NLGN1: variants seen among roughly 807,000 people sequenced by gnomAD.
NLGN1 encodes neuroligin 1, also known as neuroligin-1.
Under a neutral mutation model 65.5 loss-of-function variants are expected in NLGN1, and 12 were observed. That is an observed-to-expected ratio of 0.18 (90% CI 0.12 to 0.30). The LOEUF is 0.30. Among genes scored for constraint, NLGN1 ranks in the 10% least tolerant of loss-of-function variants. The pLI is 1.00. For synonymous variants in NLGN1, 350 were observed against 359.5 expected, an observed-to-expected ratio of 0.97 and a Z score of 0.30; for missense variants, 750 against 1,007.1, an observed-to-expected ratio of 0.74 and a Z score of 3.46.
At chr3:173,455,870 G>T (rs1223256109) in intron 2 of NLGN1, among the ~76,000 whole-genome samples, 1 of 152,090 alleles carries the variant, frequency 6.6e-6, no homozygotes, top group Non-Finnish European at 1.5e-5. Context: ...AGAAAAGCCA[G>T]TGTAGTTCGA....
chr3:174,141,412 G>A lies in NLGN1; in HGVS notation c.647-133903G>A, dbSNP rs983623306. Among the ~76,000 whole-genome samples the A allele has an allele frequency of 3.3e-5, 5 of 151,930 alleles. 1 individual carries two copies. The South Asian group carries it at 6.2e-4, about 19-fold the overall frequency. On this transcript the variant is annotated intron_variant, in intron 4 of 6. Transcript: ENST00000457714. ...TCTCATGTGAAGAAGAAAAAAAATC[G>A]CACATGTCAATGACCAAATATACAA...
chr3:173,833,017 A>G (rs1722905960), intron 4 of NLGN1, among the ~76,000 whole-genome samples: 1 of 149,582 alleles, frequency 6.7e-6, no homozygotes, highest in Admixed American at 6.7e-5. Context: ...TTCACAGGTG[A>G]TAAATATTTA....
chr3:174,185,838 A>C (rs1731295925), intron 4 of NLGN1, among the ~76,000 whole-genome samples: 1 of 152,060 alleles, frequency 6.6e-6, no homozygotes, highest in South Asian at 2.1e-4. Context: ...AACCTGTTGA[A>C]ATGCTGATAC....
intron 4 of NLGN1, among the ~76,000 whole-genome samples, chr3:174,193,537 A>G (rs1210413420): frequency 6.6e-6 from 1 of 152,118 alleles, no homozygotes; most frequent in Admixed American, 6.6e-5. Context: ...ACACACACAA[A>G]TCCAAAATCT....
intron 4 of NLGN1, among the ~76,000 whole-genome samples, chr3:174,167,511 G>T (rs149871098): frequency 1.3e-5 from 2 of 150,604 alleles, no homozygotes; most frequent in African/African-American, 2.4e-5. Context: ...AAGTATTCTC[G>T]CAATCTCTCT....
At chr3:173,474,286 C>T (rs996984474) in intron 2 of NLGN1, among the ~76,000 whole-genome samples, 1 of 152,128 alleles carries the variant, frequency 6.6e-6, no homozygotes, top group Non-Finnish European at 1.5e-5. Flanking sequence ...AAAGACTTCT[C>T]CTTCTTAGAA....
intron 4 of NLGN1, among the ~76,000 whole-genome samples, chr3:173,871,872 AC>A (rs1296066524): frequency 2.6e-5 from 4 of 152,230 alleles, no homozygotes; most frequent in Admixed American, 6.5e-5. Context: ...TGTTTAGGAT[AC>A]AAAAATTTTT....
chr3:174,263,865 T>C (rs866360096), intron 4 of NLGN1, among the ~76,000 whole-genome samples: 321 of 150,890 alleles, frequency 2.1e-3, no homozygotes, highest in Middle Eastern at 6.9e-3. Flanking sequence ...AGGAGCTCTT[T>C]TAGGGCAGGC....
intron 3 of NLGN1, among the ~76,000 whole-genome samples, chr3:173,718,143 T>C (rs1212697970): frequency 6.6e-6 from 1 of 152,146 alleles, no homozygotes; most frequent in African/African-American, 2.4e-5. Context: ...TATTTCCTTG[T>C]GTTGGGAACA....
chr3:173,815,376 G>A (rs1019272292), intron 4 of NLGN1, among the ~76,000 whole-genome samples: 1 of 151,984 alleles, frequency 6.6e-6, no homozygotes, highest in South Asian at 2.1e-4. Flanking sequence ...CAAAGTGCTG[G>A]GATTACAGGC....
intron 4 of NLGN1, among the ~76,000 whole-genome samples, chr3:173,906,883 A>C (rs936979942): frequency 1.3e-5 from 2 of 149,806 alleles, no homozygotes; most frequent in Non-Finnish European, 3.0e-5. Flanking sequence ...AAAAACAAAA[A>C]AAAAAAAAAA....
At chr3:173,980,184 T>C (rs909142175) in intron 4 of NLGN1, among the ~76,000 whole-genome samples, 2 of 152,038 alleles carry the variant, frequency 1.3e-5, no homozygotes, top group African/African-American at 4.8e-5. Context: ...CATTAACATA[T>C]AAACTCCCCA....
At chr3:173,741,877 A>C (rs1398992326) in intron 3 of NLGN1, among the ~76,000 whole-genome samples, 2 of 152,124 alleles carry the variant, frequency 1.3e-5, no homozygotes, top group Non-Finnish European at 2.9e-5. Flanking sequence ...GAAAACGAAG[A>C]AAACTTCTGT....
chr3:173,799,291 G>C (rs1165897327), intron 3 of NLGN1, among the ~76,000 whole-genome samples: 1 of 151,982 alleles, frequency 6.6e-6, no homozygotes, highest in African/African-American at 2.4e-5. Context: ...AAGAATGTGA[G>C]ACTTCACTTG....
chr3:173,999,405 A>G (rs572482986), intron 4 of NLGN1, among the ~76,000 whole-genome samples: 14 of 152,280 alleles, frequency 9.2e-5, no homozygotes, highest in Admixed American at 2.0e-4. Context: ...GTACTTGGTC[A>G]TAAATAACAT....
intron 2 of NLGN1, among the ~76,000 whole-genome samples, chr3:173,568,224 C>CTTTCCTTTTCCT (rs201639073): frequency 7.1e-6 from 1 of 140,474 alleles, no homozygotes; most frequent in South Asian, 2.3e-4. Flanking sequence ...TTTTCCTTTC[C>CTTTCCTTTTCCT]TTTCCTTTTC....
intron 2 of NLGN1, among the ~76,000 whole-genome samples, chr3:173,581,718 C>T (rs1295074041): frequency 1.3e-5 from 2 of 151,536 alleles, no homozygotes; most frequent in Non-Finnish European, 3.0e-5. Context: ...ATAAAAAGCA[C>T]ATTATGAAAT....
At chr3:173,845,463 C>G (rs1296333884) in intron 4 of NLGN1, among the ~76,000 whole-genome samples, 1 of 152,134 alleles carries the variant, frequency 6.6e-6, no homozygotes, top group Non-Finnish European at 1.5e-5. Context: ...TCAGAAGTAT[C>G]TTAATGCAAT....
chr3:173,781,516 T>C lies in NLGN1; in HGVS notation c.494-26164T>C, dbSNP rs566936050. Among the ~76,000 whole-genome samples, 15 of 152,346 alleles carry C rather than the reference T, an allele frequency of 9.8e-5. No homozygotes were observed. In the South Asian group the frequency reaches 2.9e-3, roughly 29 times the overall value. ...GTAGTTAGCATTTTGGCTTTTATCG[T>C]ACCCATTTTTGACTTAATGGATACA... is the stretch of plus-strand genomic sequence containing the variant. On this transcript the variant is annotated intron_variant, in intron 3 of 6. Transcript: ENST00000457714.
Sources: allele counts gnomAD v4.1 joint callset (sites outside exome capture counted in the v4.1 genomes callset), GRCh38; gene constraint gnomAD v4.1.1; transcripts MANE v1.5; gene names NCBI Gene and HGNC (gene_info 2026-07-23, HGNC 2026-07-21).